The following ATXN1 variants were observed in gnomAD, a reference collection of about 807,000 sequenced individuals.
The protein encoded by ATXN1 is ataxin 1.
Under a neutral mutation model 56.4 loss-of-function variants are expected in ATXN1, and 8 were observed. The observed-to-expected ratio is 0.14, with a 90% CI of 0.08 to 0.26. The LOEUF (loss-of-function observed/expected upper bound fraction) is 0.26. ATXN1 is among the 10% of genes least tolerant of loss of function. The pLI is 1.00. For missense variants in ATXN1, 987 were observed against 1,106.5 expected, an observed-to-expected ratio of 0.89 and a Z score of 1.53; for synonymous variants, 514 against 494.6, an observed-to-expected ratio of 1.04 and a Z score of -0.52.
At chr6:16,662,346 T>A (rs937757119) in intron 2 of ATXN1, among the ~76,000 whole-genome samples, 1 of 152,236 alleles carries the variant, frequency 6.6e-6, no homozygotes, top group African/African-American at 2.4e-5. Flanking sequence ...TTTTTTTTTT[T>A]TTTGAAATAG....
chr6:16,513,399 AAAT>A (rs1397454463), intron 5 of ATXN1, among the ~76,000 whole-genome samples: 1 of 152,212 alleles, frequency 6.6e-6, no homozygotes, highest in Non-Finnish European at 1.5e-5. Flanking sequence ...ACTAGCAAGA[AAAT>A]ATGCTTGAAA....
Position 16,327,708 on chromosome 6 carries a change from C to T in ATXN1, c.603G>A (p.Gln201=), listed in dbSNP as rs372349437. The change falls in exon 7 of 8, where the codon CAG becomes CAA. Residue 201 remains glutamine, a synonymous_variant. Coordinates refer to ENST00000436367, the MANE Select transcript of ATXN1 (RefSeq NM_001128164.2). ...GATGCTGCTGCTGCTGCTGCTGCTG[C>T]TGCTGCTGCTGCTGCTCAGCCTTGT... ...PGHKAEQQQQ[Q]QQQQQQQHQH... is the part of the protein sequence containing the mutation. The T allele has an allele frequency of 6.2e-7, 1 of 1,603,426 alleles. No homozygotes were observed. Among genetic ancestry groups the T allele is most frequent in the African/African-American group, 1.3e-5 (1 of 74,548 alleles).
chr6:16,464,073 C>T (rs1760052372), intron 6 of ATXN1, among the ~76,000 whole-genome samples: 1 of 152,188 alleles, frequency 6.6e-6, no homozygotes, highest in Admixed American at 6.5e-5. Flanking sequence ...CAGTTCCCAA[C>T]AGCAGCTGGG....
At chr6:16,371,830 T>C (rs179961) in intron 6 of ATXN1, among the ~76,000 whole-genome samples, 100,641 of 151,912 alleles carry the variant, frequency 0.66, 33,905 homozygotes, top group East Asian at 0.92. Context: ...CCTCCTGCCT[T>C]AGCCTCCCAA....
chr6:16,597,260 A>G (rs945558427), intron 3 of ATXN1, among the ~76,000 whole-genome samples: 11 of 152,352 alleles, frequency 7.2e-5, no homozygotes, highest in Admixed American at 7.2e-4. Context: ...TCTCCGGGGT[A>G]TAAGACATAG....
chr6:16,578,041 T>C (rs1762457197), intron 4 of ATXN1, among the ~76,000 whole-genome samples: 1 of 152,212 alleles, frequency 6.6e-6, no homozygotes, highest in Non-Finnish European at 1.5e-5. Context: ...TCCCACTACA[T>C]TAATTTTATT....
At chr6:16,485,203 T>C (rs1255446406) in intron 6 of ATXN1, 2 of 152,142 alleles carry the variant, frequency 1.3e-5, no homozygotes, top group African/African-American at 4.8e-5. Flanking sequence ...ATCTCCTAAC[T>C]GTGTTTTGTG....
At chr6:16,723,216 C>CCTT (rs58542930) in intron 2 of ATXN1, among the ~76,000 whole-genome samples, 6,603 of 152,230 alleles carry the variant, frequency 0.043, 489 homozygotes, top group African/African-American at 0.15. Flanking sequence ...AGAGATCATT[C>CCTT]CTTCCAGAGA....
At chr6:16,368,949 TA>T (rs567022849) in intron 6 of ATXN1, among the ~76,000 whole-genome samples, 149 of 152,344 alleles carry the variant, frequency 9.8e-4, no homozygotes, top group African/African-American at 3.4e-3. Flanking sequence ...GCTGTAGCTG[TA>T]AAATATATCC....
At chr6:16,682,061 G>A (rs923003394) in intron 2 of ATXN1, among the ~76,000 whole-genome samples, 2 of 152,026 alleles carry the variant, frequency 1.3e-5, no homozygotes, top group African/African-American at 4.8e-5. Flanking sequence ...CCCCATACCT[G>A]CCAACATCTG....
chr6:16,692,799 C>G (rs138412972), intron 2 of ATXN1, among the ~76,000 whole-genome samples: 17 of 152,286 alleles, frequency 1.1e-4, no homozygotes, highest in African/African-American at 4.1e-4. Context: ...GAAACTGAAG[C>G]TCAGGCTAAG....
intron 2 of ATXN1, among the ~76,000 whole-genome samples, chr6:16,714,225 A>ACC (rs1561819370): frequency 7.6e-6 from 1 of 131,550 alleles, no homozygotes; most frequent in African/African-American, 2.8e-5. Flanking sequence ...ACACACACAC[A>ACC]CCAAAACCTG....
intron 6 of ATXN1, among the ~76,000 whole-genome samples, chr6:16,415,155 T>A (rs114399486): frequency 0.01 from 1,572 of 152,332 alleles, 20 homozygotes; most frequent in Middle Eastern, 0.027. Context: ...TTAAAATATA[T>A]GGAATATAAT....
At chr6:16,472,663 T>G (rs539555236) in intron 6 of ATXN1, among the ~76,000 whole-genome samples, 93 of 152,168 alleles carry the variant, frequency 6.1e-4, no homozygotes, top group Non-Finnish European at 1.0e-3. Context: ...CTGATAAAAA[T>G]GTCAAAAATG....
intron 6 of ATXN1, among the ~76,000 whole-genome samples, chr6:16,396,966 C>G (rs75206772): frequency 0.026 from 4,000 of 152,262 alleles, 189 homozygotes; most frequent in African/African-American, 0.091. Flanking sequence ...CATTATATAG[C>G]TTAGATGTGT....
In ATXN1 at chr6:16,306,227, T is replaced by G; in HGVS notation, c.*102A>C. Reference sequence around the variant, plus strand: ...CAAGGTTAGAACAGAAACCTAAAATTAAGAAGATAACATGTAAATACTGTG... The same window carrying G: ...CAAGGTTAGAACAGAAACCTAAAATGAAGAAGATAACATGTAAATACTGTG... On this transcript the variant is annotated 3_prime_UTR_variant, in exon 8 of 8. Coordinates refer to ENST00000436367, the MANE Select transcript of ATXN1 (RefSeq NM_001128164.2). The surrounding 1 kb of genome is among the most constrained non-coding windows in gnomAD (Gnocchi z 5.2). The G allele has an allele frequency of 7.2e-7, 1 of 1,388,014 alleles. No homozygotes were observed. The highest frequency in any genetic ancestry group is 1.4e-5 in the South Asian group (1 of 71,076). The allele number at this position is 1,388,014 out of a possible 1,614,324, so 86.0% of individuals were successfully genotyped here.
chr6:16,555,598 T>C (rs960882268), intron 4 of ATXN1, among the ~76,000 whole-genome samples: 8 of 152,164 alleles, frequency 5.3e-5, no homozygotes, highest in African/African-American at 1.4e-4. Flanking sequence ...GGCTGTCAAA[T>C]AGACACCTCT....
At chr6:16,606,793 G>C (rs1265135145) in intron 3 of ATXN1, among the ~76,000 whole-genome samples, 1 of 151,316 alleles carries the variant, frequency 6.6e-6, no homozygotes. Flanking sequence ...CTCCCGAAGT[G>C]CTGGGATTAC....
intron 6 of ATXN1, among the ~76,000 whole-genome samples, chr6:16,339,464 G>A (rs1261040198): frequency 6.6e-6 from 1 of 152,152 alleles, no homozygotes; most frequent in African/African-American, 2.4e-5. Flanking sequence ...GGTGGTTTCA[G>A]TCACTGAGAC....
Sources: allele counts gnomAD v4.1 joint callset (sites outside exome capture counted in the v4.1 genomes callset), GRCh38; gene constraint gnomAD v4.1.1; non-coding constraint Gnocchi (gnomAD v3.1); transcripts MANE v1.5; gene names NCBI Gene and HGNC (gene_info 2026-07-23, HGNC 2026-07-21).